ATF7IP2: variants seen among roughly 807,000 people sequenced by gnomAD.
ATF7IP2 encodes the protein activating transcription factor 7 interacting protein 2, also known as activating transcription factor 7-interacting protein 2.
Under a neutral mutation model 64.2 loss-of-function variants are expected in ATF7IP2, and 42 were observed. The ratio of observed to expected loss-of-function variants is 0.65; its 90% confidence interval spans 0.51 to 0.85. ATF7IP2 has a LOEUF of 0.85. ATF7IP2 is among the 40% of genes least tolerant of loss of function. The pLI is 0.00. For synonymous variants in ATF7IP2, 308 were observed against 272.8 expected (o/e 1.13, Z -1.27); for missense variants, 933 against 784.2 (o/e 1.19, Z -2.27).
intron 1 of ATF7IP2, among the ~76,000 whole-genome samples, chr16:10,406,903 C>G (rs4436777): frequency 8.3e-4 from 126 of 152,298 alleles, no homozygotes; most frequent in African/African-American, 3.0e-3. Flanking sequence ...CTTCCAAACT[C>G]ATTCCATGAG....
At chr16:10,414,776 A>G (rs967401717) in intron 2 of ATF7IP2, among the ~76,000 whole-genome samples, 164 bp downstream of exon 2, 1 of 151,934 alleles carries the variant, frequency 6.6e-6, no homozygotes, top group Admixed American at 6.6e-5. Context: ...TTTAGGGATC[A>G]AGACTGTTGT....
intron 12 of ATF7IP2, among the ~76,000 whole-genome samples, chr16:10,476,558 G>C (rs2050016687): frequency 2.0e-5 from 3 of 151,800 alleles, no homozygotes; most frequent in Admixed American, 1.3e-4. Context: ...TTGTTACATA[G>C]GTAAATGTGT....
intron 8 of ATF7IP2, among the ~76,000 whole-genome samples, chr16:10,452,312 C>A (rs767826541): frequency 4.6e-5 from 7 of 152,122 alleles, no homozygotes; most frequent in Admixed American, 3.3e-4. Flanking sequence ...TCTGAGTGGA[C>A]GTCCTTTTTG....
chr16:10,457,453 G>A lies in ATF7IP2; in HGVS notation c.1276G>A (p.Glu426Lys), dbSNP rs1381580490. The A allele has an allele frequency of 1.9e-6, 3 of 1,606,968 alleles. No individual in the cohort carries two copies. Among genetic ancestry groups the A allele is most frequent in the Middle Eastern group, 1.7e-4 (1 of 6,044 alleles). Residue 426 changes from glutamate (E) to lysine (K), a missense_variant, in exon 9 of 14, where the codon GAG (glutamate) becomes AAG (lysine). Coordinates refer to ENST00000562102, the MANE Select transcript of ATF7IP2 (RefSeq NM_001393719.1). ...SPIEKSSVNYEPSNPSEKGSK... is the reference protein window; with the variant it reads ...SPIEKSSVNYKPSNPSEKGSK... ...AATTGAAAAGTCTTCTGTGAATTAT[G>A]AGCCTTCTAACCCTTCCGAAAAAGG...
intron 8 of ATF7IP2, among the ~76,000 whole-genome samples, chr16:10,441,431 T>C (rs780727363): frequency 2.0e-5 from 3 of 152,236 alleles, no homozygotes; most frequent in Middle Eastern, 3.2e-3. Flanking sequence ...TCCTGACTTT[T>C]TAATGATCGC....
intron 8 of ATF7IP2, among the ~76,000 whole-genome samples, chr16:10,452,254 G>T (rs1197134919): frequency 1.3e-5 from 2 of 152,176 alleles, no homozygotes; most frequent in Non-Finnish European, 2.9e-5. Flanking sequence ...CATCTTTGTG[G>T]ATTTATCTAC....
chr16:10,482,359 C>G lies in ATF7IP2; in HGVS notation c.*110C>G. 1.3e-6 allele frequency: 1 copy of G among 777,370 alleles called. No individual in the cohort carries two copies. Among genetic ancestry groups the G allele is most frequent in the Non-Finnish European group, 2.0e-6 (1 of 490,992 alleles). The allele number at this position is 777,370 out of a possible 1,614,324, so 48.2% of individuals were successfully genotyped here. ...GGCCAGCTCAGATTGTGAGCCCTTT[C>G]TATTGGGACAGTCCTCTTCTATATG... On this transcript the variant is annotated 3_prime_UTR_variant, in exon 14 of 14. Transcript: ENST00000562102.
intron 5 of ATF7IP2, 69 bp from the exon 6 acceptor site, chr16:10,433,456 T>G: frequency 2.1e-6 from 3 of 1,438,566 alleles, no homozygotes; most frequent in Non-Finnish European, 2.9e-6. Flanking sequence ...ATTACAGACA[T>G]GAGCCACCAC....
chr16:10,393,191 T>C (rs1486644293), intron 1 of ATF7IP2, among the ~76,000 whole-genome samples: 1 of 151,662 alleles, frequency 6.6e-6, no homozygotes, highest in East Asian at 1.9e-4. Flanking sequence ...GCACCTGTAA[T>C]CCCAGCTACT....
intron 1 of ATF7IP2, among the ~76,000 whole-genome samples, chr16:10,411,599 C>G (rs931180402): frequency 6.6e-6 from 1 of 152,000 alleles, no homozygotes; most frequent in African/African-American, 2.4e-5. Context: ...GAACTCCTGA[C>G]CTCTGGTGAT....
At chr16:10,433,954 A>G (rs927468189) in intron 6 of ATF7IP2, among the ~76,000 whole-genome samples, 5 of 152,208 alleles carry the variant, frequency 3.3e-5, no homozygotes, top group Admixed American at 3.3e-4. Context: ...TAAGTCAGAC[A>G]CTGCATGACC....
intron 1 of ATF7IP2, among the ~76,000 whole-genome samples, chr16:10,411,156 A>G (rs2047750844): frequency 6.6e-6 from 1 of 151,976 alleles, no homozygotes; most frequent in South Asian, 2.1e-4. Flanking sequence ...TTCATCAGGG[A>G]TGTTGGTCTG....
rs186503200 is a variant in ATF7IP2 at position 10,476,434 on chromosome 16, T to A, written c.1549+2445T>A. Among the ~76,000 whole-genome samples the A allele has an allele frequency of 8.3e-4, 127 of 152,314 alleles. 1 individual carries two copies. The highest frequency in any genetic ancestry group is 3.0e-3 in the African/African-American group (123 of 41,558). ...TTTTAGCTACCCAACTTTCATACTT[T>A]CCAATATAAACCCCCTTTTCTTAAC... On this transcript the variant is annotated intron_variant, in intron 12 of 13. Coordinates refer to ENST00000562102, the MANE Select transcript of ATF7IP2 (RefSeq NM_001393719.1).
At chr16:10,395,129 A>C (rs1009220761) in intron 1 of ATF7IP2, among the ~76,000 whole-genome samples, 1 of 152,050 alleles carries the variant, frequency 6.6e-6, no homozygotes, top group Non-Finnish European at 1.5e-5. Flanking sequence ...GGAATGAATG[A>C]GGGGACATTA....
At chr16:10,439,347 G>T (rs2048531198) in intron 7 of ATF7IP2, among the ~76,000 whole-genome samples, 1 of 150,210 alleles carries the variant, frequency 6.7e-6, no homozygotes, top group African/African-American at 2.4e-5. Flanking sequence ...ACCTGCCTCA[G>T]CCTACTGTAG....
chr16:10,475,296 A>G (rs896442607), intron 12 of ATF7IP2, among the ~76,000 whole-genome samples: 3 of 152,248 alleles, frequency 2.0e-5, no homozygotes, highest in Admixed American at 2.0e-4. Context: ...CTAGACTGTG[A>G]TAAGTTAAAG....
chr16:10,426,875 C>T (rs780227414), intron 3 of ATF7IP2, among the ~76,000 whole-genome samples: 9 of 151,692 alleles, frequency 5.9e-5, no homozygotes, highest in Non-Finnish European at 1.2e-4. Flanking sequence ...TTTTTTAAGA[C>T]AGTGTCCCAC....
At chr16:10,399,521 G>C (rs2047486269) in intron 1 of ATF7IP2, among the ~76,000 whole-genome samples, 1 of 152,084 alleles carries the variant, frequency 6.6e-6, no homozygotes, top group Non-Finnish European at 1.5e-5. Context: ...TTATTTCCGG[G>C]TTCTCTGTTC....
At chr16:10,393,389 G>C (rs890157386) in intron 1 of ATF7IP2, among the ~76,000 whole-genome samples, 2 of 150,688 alleles carry the variant, frequency 1.3e-5, no homozygotes, top group African/African-American at 4.9e-5. Context: ...AGAACAAAAG[G>C]CATGAGACAT....
Sources: allele counts gnomAD v4.1 joint callset (sites outside exome capture counted in the v4.1 genomes callset), GRCh38; gene constraint gnomAD v4.1.1; transcripts MANE v1.5; gene names NCBI Gene and HGNC (gene_info 2026-07-23, HGNC 2026-07-21).